FRMPD3: variants seen among roughly 807,000 people sequenced by gnomAD.
FRMPD3 encodes the protein FERM and PDZ domain-containing protein 3.
Under a neutral mutation model 97.9 loss-of-function variants are expected in FRMPD3, and 42 were observed. That is an observed-to-expected ratio of 0.43 (90% CI 0.34 to 0.55). The LOEUF (loss-of-function observed/expected upper bound fraction) is 0.55, where lower values mean the gene tolerates loss of function less well. Ranked by LOEUF, FRMPD3 falls within the 20% of genes least tolerant of loss-of-function variation. The probability of loss-of-function intolerance (pLI) is 0.03; values close to 1 mark genes in which losing one functional copy is unlikely to be tolerated. For synonymous variants in FRMPD3, 577 were observed against 581.1 expected, an observed-to-expected ratio of 0.99 and a Z score of 0.10; for missense variants, 1,303 against 1,457.7, an observed-to-expected ratio of 0.89 and a Z score of 1.73.
Position 107,600,871 on chromosome X carries a change from C to A in FRMPD3, c.2832C>A (p.Ile944=), listed in dbSNP as rs1333972156. The part of the protein sequence containing the change: ...PKEVRLSPKL[I]LDPKSSVTPA... ...AGGTCAGGTTGAGCCCCAAGCTTATCCTCGACCCAAAGAGCAGTGTGACCC... is the reference window on the plus strand; with the variant it reads ...AGGTCAGGTTGAGCCCCAAGCTTATACTCGACCCAAAGAGCAGTGTGACCC... The change falls in exon 15 of 15, where the codon ATC becomes ATA. Residue 944 remains isoleucine, a synonymous_variant. Transcript: ENST00000683843. The A allele has an allele frequency of 8.3e-6, 10 of 1,207,573 alleles. No individual in the cohort carries two copies. Among genetic ancestry groups the A allele is most frequent in the Non-Finnish European group, 1.1e-5 (10 of 894,470 alleles).
intron 13 of FRMPD3, among the ~76,000 whole-genome samples, chrX:107,585,661 ATTTTATTAAAGGCC>A (rs888600470): frequency 4.5e-5 from 5 of 111,872 alleles, no homozygotes; most frequent in Non-Finnish European, 9.4e-5. Flanking sequence ...GGGATGTTGA[ATTTTATTAAAGGCC>A]TTTTCTGCAT....
intron 1 of FRMPD3, among the ~76,000 whole-genome samples, chrX:107,517,830 A>AGGGAGGGAGGGAGGGAGGG (rs1569414552): frequency 1.3e-5 from 1 of 74,674 alleles, no homozygotes; most frequent in African/African-American, 5.6e-5. Flanking sequence ...GGAAGGAAGG[A>AGGGAGGGAGGGAGGGAGGG]AGGGAGGGAG....
intron 1 of FRMPD3, among the ~76,000 whole-genome samples, chrX:107,517,375 C>G: frequency 9.0e-6 from 1 of 111,344 alleles, no homozygotes; most frequent in East Asian, 2.8e-4. Context: ...GGGATGAGGT[C>G]GTCAGCTGAG....
intron 13 of FRMPD3, among the ~76,000 whole-genome samples, chrX:107,577,627 C>T (rs750042438): frequency 3.6e-5 from 4 of 110,250 alleles, no homozygotes; most frequent in South Asian, 7.8e-4. Context: ...TCAGCCTGGG[C>T]GACAGAGCAA....
At chrX:107,463,042 C>G (rs976787799) in intron 1 of FRMPD3, among the ~76,000 whole-genome samples, 1 of 111,972 alleles carries the variant, frequency 8.9e-6, no homozygotes, top group African/African-American at 3.3e-5. Flanking sequence ...GGTTTGTGAC[C>G]CCCAGCAACA....
At chrX:107,560,494 G>C in intron 9 of FRMPD3, 101 bp downstream of exon 9, 5 of 1,048,065 alleles carry the variant, frequency 4.8e-6, no homozygotes, top group Non-Finnish European at 6.4e-6. Context: ...TGTAGGACAT[G>C]GGATGGGAGT....
chrX:107,459,899 AC>A (rs1931438954), intron 1 of FRMPD3, among the ~76,000 whole-genome samples: 1 of 107,900 alleles, frequency 9.3e-6, no homozygotes, highest in Non-Finnish European at 1.9e-5. Context: ...ACACACACAC[AC>A]ACACACACAC....
chrX:107,557,795 G>GTA (rs1467541771), intron 8 of FRMPD3, among the ~76,000 whole-genome samples: 15 of 26,604 alleles, frequency 5.6e-4, no homozygotes, highest in East Asian at 1.5e-3. Flanking sequence ...AAAATCTGTT[G>GTA]TCTATATATA....
chrX:107,521,868 G>A (rs1402537511), intron 1 of FRMPD3, among the ~76,000 whole-genome samples: 1 of 112,894 alleles, frequency 8.9e-6, no homozygotes, highest in Non-Finnish European at 1.9e-5. Context: ...TGGAAATTTA[G>A]CTGTTACATT....
At chrX:107,571,943 C>G (rs1237838992) in intron 12 of FRMPD3, among the ~76,000 whole-genome samples, 1 of 112,711 alleles carries the variant, frequency 8.9e-6, no homozygotes, top group Non-Finnish European at 1.9e-5. Flanking sequence ...TTCACACTTA[C>G]CCACCCACGT....
rs751452793 is a variant in FRMPD3 at position 107,573,919 on chromosome X, A to G, written c.1297-2396A>G. Among the ~76,000 whole-genome samples the G allele has an allele frequency of 6.1e-4, 68 of 112,259 alleles. 1 individual carries two copies. The highest frequency in any genetic ancestry group is 2.1e-3 in the African/African-American group (65 of 30,936). ...CATAGAGGTTAAAGCAGACACCCTG[A>G]TGGAGAAGAATTGAGGGCTGTAGAC... On this transcript the variant is annotated intron_variant, in intron 12 of 14. Coordinates refer to ENST00000683843, the MANE Select transcript of FRMPD3 (RefSeq NM_001388459.1).
Position 107,600,511 on chromosome X carries a change from G to T in FRMPD3, c.2472G>T (p.Gln824His). Residue 824 changes from glutamine to histidine, a missense_variant, in exon 15 of 15, where the codon CAG (glutamine) becomes CAT (histidine). Transcript: ENST00000683843. ...LPFRIQSCAA[Q>H]AVLTAPYSLG... is the part of the protein sequence containing the mutation. ...TCCGGATCCAGAGCTGTGCAGCCCA[G>T]GCCGTTCTTACGGCCCCTTACTCTC... 8.3e-7 allele frequency: 1 copy of T among 1,210,757 alleles called. No homozygotes were observed. The highest frequency in any genetic ancestry group is 1.1e-6 in the Non-Finnish European group (1 of 895,336).
At chrX:107,554,239 AAT>A in intron 7 of FRMPD3, 144 bp from the exon 8 acceptor site, 1 of 573,374 alleles carries the variant, frequency 1.7e-6, no homozygotes, top group Non-Finnish European at 2.7e-6. Context: ...GGGTAATTAG[AAT>A]CAGCCAGGTC....
intron 14 of FRMPD3, among the ~76,000 whole-genome samples, chrX:107,599,050 A>T (rs968766208): frequency 9.0e-6 from 1 of 111,404 alleles, no homozygotes; most frequent in Non-Finnish European, 1.9e-5. Flanking sequence ...AGGTGGGCAG[A>T]TTACTTGAGG....
chrX:107,565,795 C>T (rs1211299658), intron 12 of FRMPD3, among the ~76,000 whole-genome samples: 2 of 111,539 alleles, frequency 1.8e-5, no homozygotes, highest in Non-Finnish European at 3.8e-5. Context: ...AATGTAGCAG[C>T]CCCAGAGACT....
intron 13 of FRMPD3, among the ~76,000 whole-genome samples, chrX:107,580,411 A>G (rs1239136169): frequency 8.9e-6 from 1 of 111,970 alleles, no homozygotes; most frequent in Non-Finnish European, 1.9e-5. Flanking sequence ...TCTGATCTGG[A>G]AGTCATGGTA....
At chrX:107,582,427 C>T (rs1169000585) in intron 13 of FRMPD3, among the ~76,000 whole-genome samples, 3 of 111,775 alleles carry the variant, frequency 2.7e-5, no homozygotes, top group African/African-American at 9.8e-5. Flanking sequence ...CTCAAGTGAC[C>T]CACCCGCCTT....
At position 107,600,625 on chromosome X, in the gene FRMPD3, G is replaced by A. The variant is rs774130805; in HGVS notation, c.2586G>A (p.Gln862=). ...GPPGARRKLP[Q]SEGQVQGERT... Reference sequence around the variant, plus strand: ...CTGGCGCTCGGAGGAAGCTGCCCCAGTCAGAGGGCCAGGTACAGGGAGAAC... The same window carrying A: ...CTGGCGCTCGGAGGAAGCTGCCCCAATCAGAGGGCCAGGTACAGGGAGAAC... Residue 862 remains glutamine (Q), a synonymous_variant, in exon 15 of 15, where the codon CAG becomes CAA. Coordinates refer to ENST00000683843, the MANE Select transcript of FRMPD3 (RefSeq NM_001388459.1). 17 of 1,207,258 alleles carry A rather than the reference G, an allele frequency of 1.4e-5. No individual in the cohort carries two copies. The Admixed American group carries it at 3.7e-4, about 26-fold the overall frequency.
Position 107,600,813 on chromosome X carries a change from A to G in FRMPD3, c.2774A>G (p.Gln925Arg), listed in dbSNP as rs769939845. Reference sequence around the variant, plus strand: ...GCCACATCATCCCTCAGTGAAGAGCAGGTCTCTGAGCTGAGGGACAACCTG... The same window carrying G: ...GCCACATCATCCCTCAGTGAAGAGCGGGTCTCTGAGCTGAGGGACAACCTG... The part of the protein sequence containing the change: ...RAATSSLSEE[Q>R]VSELRDNLPK... The change falls in exon 15 of 15, where the codon CAG becomes CGG. Residue 925 changes from glutamine to arginine, a missense_variant. By Grantham distance (43) the Gln-to-Arg change is conservative (BLOSUM62 1). This residue lies in a region of FRMPD3 where 764 missense variants were observed against 820.2 expected (regional missense o/e 0.93). Transcript: ENST00000683843. 1.7e-5 allele frequency: 20 copies of G among 1,208,823 alleles called. No individual in the cohort carries two copies. The highest frequency in any genetic ancestry group is 2.2e-5 in the Non-Finnish European group (20 of 894,237).
Sources: allele counts gnomAD v4.1 joint callset (sites outside exome capture counted in the v4.1 genomes callset), GRCh38; gene constraint gnomAD v4.1.1; regional missense constraint gnomAD v4.1.1; transcripts MANE v1.5; gene names NCBI Gene and HGNC (gene_info 2026-07-23, HGNC 2026-07-21).